OR14K1: variants seen among roughly 807,000 people sequenced by gnomAD.
OR14K1 encodes olfactory receptor 14K1.
For synonymous variants in OR14K1, 104 were observed against 70.0 expected (o/e 1.49, Z -2.42); for missense variants, 253 against 174.4 (o/e 1.45, Z -2.54).
Position 247,739,258 on chromosome 1 carries a change from C to T in OR14K1, c.644C>T (p.Ser215Phe), listed in dbSNP as rs764245420. Residue 215 changes from serine (S) to phenylalanine (F), a missense_variant, in exon 1 of 1, where the codon TCC (serine) becomes TTC (phenylalanine). Ser to Phe is a radical substitution (Grantham distance 155, BLOSUM62 -2). Transcript: ENST00000283225. ...TCATGTTTAGTTTGCATTGTAGTTT[C>T]CTATGTGTACATTTTCTCTGCTGTG... ...AFSCLVCIVV[S>F]YVYIFSAVLR... 18 of 780,792 alleles carry T rather than the reference C, an allele frequency of 2.3e-5. No individual in the cohort carries two copies. The East Asian group carries it at 4.4e-4, about 19-fold the overall frequency. 48.4% of individuals were successfully genotyped at this position (780,792 alleles called of 1,614,324 possible). A position where few individuals can be genotyped will look rare whatever the true frequency, so the allele number is the denominator to read the frequency against.
rs760698783 is a variant in OR14K1, at chr1:247,739,343, C to A, written c.729C>A (p.Leu243=). The change falls in exon 1 of 1, where the codon CTC becomes CTA. Residue 243 remains leucine (L), a synonymous_variant. Coordinates refer to ENST00000283225, the MANE Select transcript of OR14K1 (RefSeq NM_001004732.2). ...CCTTTTCCAACTGTGTGCCTCACCT[C>A]ATTGTTGTCACTGTGTTTCTTGTAA... ...SKAFSNCVPH[L]IVVTVFLVTG... The A allele has an allele frequency of 2.6e-6, 2 of 780,832 alleles. No individual in the cohort carries two copies. The highest frequency in any genetic ancestry group is 4.8e-6 in the Non-Finnish European group (2 of 417,974). The allele number at this position is 780,832 out of a possible 1,614,324, so 48.4% of individuals were successfully genotyped here.
chr1:247,738,859 A>T lies in OR14K1; in HGVS notation c.245A>T (p.Asn82Ile), dbSNP rs758983924. The T allele has an allele frequency of 2.6e-6, 2 of 776,840 alleles. No homozygotes were observed. Among genetic ancestry groups the T allele is most frequent in the African/African-American group, 3.5e-5 (2 of 57,658 alleles). The allele number at this position is 776,840 out of a possible 1,614,324, so 48.1% of individuals were successfully genotyped here. A position where few individuals can be genotyped will look rare whatever the true frequency, so the allele number is the denominator to read the frequency against. ...GCCACAGTCCCCAAATCCATCCTCA[A>T]CTCTGTCGCCTCCACTGACTCCATC... ...ISATVPKSIL[N>I]SVASTDSISF... The change falls in exon 1 of 1, where the codon AAC becomes ATC. Residue 82 changes from asparagine (N) to isoleucine (I), a missense_variant. By Grantham distance (149) the Asn-to-Ile change is moderately radical (BLOSUM62 -3). Coordinates refer to ENST00000283225, the MANE Select transcript of OR14K1 (RefSeq NM_001004732.2).
chr1:247,739,302 C>CA, the OR14K1 span: 1 of 780,836 alleles, frequency 1.3e-6, no homozygotes, highest in Non-Finnish European at 2.4e-6. Flanking sequence ...ATCACAGAGA[C>CA]AGAGACAATC....
chr1:247,739,018 GCAGAGGGCTCTGTGT>G lies in OR14K1; in HGVS notation c.406_420del (p.Arg136_Val140del), dbSNP rs1471858688. ...CCCCTACACTGTGAGGCTGTCATGA[GCAGAGGGCTCTGTGT>G]CCAGTTGATGGCTCTGTCCTGGCTC... On this transcript the variant is annotated inframe_deletion, in exon 1 of 1. Transcript: ENST00000283225. The G allele has an allele frequency of 5.1e-5, 40 of 780,648 alleles. No individual in the cohort carries two copies. The Admixed American group carries it at 6.8e-4, about 13-fold the overall frequency. 48.4% of individuals were successfully genotyped at this position (780,648 alleles called of 1,614,324 possible).
Position 247,739,049 on chromosome 1 carries a change from G to T in OR14K1, c.435G>T (p.Leu145=). The change falls in exon 1 of 1, where the codon CTG becomes CTT. Residue 145 remains leucine, a synonymous_variant. Coordinates refer to ENST00000283225, the MANE Select transcript of OR14K1 (RefSeq NM_001004732.2). ...GGCTCTGTGTCCAGTTGATGGCTCT[G>T]TCCTGGCTCAACAGAGGGGCCTTGG... ...SRGLCVQLMA[L]SWLNRGALGL... The T allele has an allele frequency of 1.3e-6, 1 of 780,738 alleles. No homozygotes were observed. The highest frequency in any genetic ancestry group is 2.4e-6 in the Non-Finnish European group (1 of 417,950). The allele number at this position is 780,738 out of a possible 1,614,324, so 48.4% of individuals were successfully genotyped here.
rs561391875 is a variant in OR14K1, at chr1:247,738,801, C to T, written c.187C>T (p.His63Tyr). 1.3e-4 allele frequency: 100 copies of T among 780,850 alleles called. 1 individual carries two copies. In the East Asian group the frequency reaches 2.4e-3, roughly 19 times the overall value. 48.4% of individuals were successfully genotyped at this position (780,850 alleles called of 1,614,324 possible). ...LHMAMYFFLR[H>Y]LSFLDLCLIS... is the part of the protein sequence containing the mutation. ...CATGGCAATGTACTTTTTCCTCCGA[C>T]ATTTGTCCTTCTTAGACCTGTGTCT... Residue 63 changes from histidine (H) to tyrosine (Y), a missense_variant, in exon 1 of 1, where the codon CAT becomes TAT. Transcript: ENST00000283225.
At position 247,739,189 on chromosome 1, in the gene OR14K1, C is replaced by G. The variant is rs897187179; in HGVS notation, c.575C>G (p.Ala192Gly). Residue 192 changes from alanine to glycine, a missense_variant, in exon 1 of 1, where the codon GCC becomes GGC. Transcript: ENST00000283225. ...LLKLTCSKEH[A>G]IISVSVAIGV... The stretch of plus-strand genomic sequence containing the variant: ...AAGCTCACTTGTTCTAAAGAACATG[C>G]CATCATTAGTGTCAGTGTGGCCATT... 5 of 780,720 alleles carry G rather than the reference C, an allele frequency of 6.4e-6. No homozygotes were observed. Among genetic ancestry groups the G allele is most frequent in the East Asian group, 2.4e-5 (1 of 41,266 alleles). The allele number at this position is 780,720 out of a possible 1,614,324, so 48.4% of individuals were successfully genotyped here.
In OR14K1 at chr1:247,738,973, G is replaced by A. The variant is rs759441743; in HGVS notation, c.359G>A (p.Arg120His). 8 of 780,656 alleles carry A rather than the reference G, an allele frequency of 1.0e-5. No homozygotes were observed. Among genetic ancestry groups the A allele is most frequent in the Non-Finnish European group, 1.7e-5 (7 of 417,944 alleles). 48.4% of individuals were successfully genotyped at this position (780,656 alleles called of 1,614,324 possible). A position where few individuals can be genotyped will look rare whatever the true frequency, so the allele number is the denominator to read the frequency against. Residue 120 changes from arginine (R) to histidine (H), a missense_variant, in exon 1 of 1, where the codon CGC (arginine) becomes CAC (histidine). Transcript: ENST00000283225. ...ATCCTTACTGCCATGTCCTATGACCGCTATGCTGCCATCTGCTGCCCCCTA... is the reference window on the plus strand; with the variant it reads ...ATCCTTACTGCCATGTCCTATGACCACTATGCTGCCATCTGCTGCCCCCTA... ...IGILTAMSYD[R>H]YAAICCPLHC... is the part of the protein sequence containing the mutation.
rs1660746839 is a variant in OR14K1 at position 247,739,067 on chromosome 1, G to A, written c.453G>A (p.Gly151=). 1 of 780,636 alleles carries A rather than the reference G, an allele frequency of 1.3e-6. No homozygotes were observed. Among genetic ancestry groups the A allele is most frequent in the Admixed American group, 1.7e-5 (1 of 59,008 alleles). 48.4% of individuals were successfully genotyped at this position (780,636 alleles called of 1,614,324 possible). ...QLMALSWLNR[G]ALGLLYTAGT... is the part of the protein sequence containing the mutation. ...TGGCTCTGTCCTGGCTCAACAGAGG[G>A]GCCTTGGGACTCTTGTACACAGCTG... The change falls in exon 1 of 1, where the codon GGG becomes GGA. Residue 151 remains glycine, a synonymous_variant. Coordinates refer to ENST00000283225, the MANE Select transcript of OR14K1 (RefSeq NM_001004732.2).
Position 247,739,209 on chromosome 1 carries a change from GCCA to G in OR14K1, c.596_598del (p.Ala199_Ile200delinsVal), listed in dbSNP as rs774341375. ...ACATGCCATCATTAGTGTCAGTGTG[GCCA>G]TTGGGGTCTGTTATGCATTTTCATG... On this transcript the variant is annotated inframe_deletion, in exon 1 of 1. Coordinates refer to ENST00000283225, the MANE Select transcript of OR14K1 (RefSeq NM_001004732.2). 4 of 780,848 alleles carry G rather than the reference GCCA, an allele frequency of 5.1e-6. No homozygotes were observed. The highest frequency in any genetic ancestry group is 9.6e-6 in the Non-Finnish European group (4 of 417,992). The allele number at this position is 780,848 out of a possible 1,614,324, so 48.4% of individuals were successfully genotyped here.
chr1:247,739,399 C>G lies in OR14K1; in HGVS notation c.785C>G (p.Ser262Cys). The stretch of plus-strand genomic sequence containing the variant: ...GCTGTTGCTTATTTAAAGCCAGGGT[C>G]TGATGCACCTTCTATTCTAGACTTG... ...TGAVAYLKPG[S>C]DAPSILDLLV... The change falls in exon 1 of 1, where the codon TCT (serine) becomes TGT (cysteine). Residue 262 changes from serine (S) to cysteine (C), a missense_variant. Transcript: ENST00000283225. 1 of 780,758 alleles carries G rather than the reference C, an allele frequency of 1.3e-6. No homozygotes were observed. Among genetic ancestry groups the G allele is most frequent in the Non-Finnish European group, 2.4e-6 (1 of 417,964 alleles). 48.4% of individuals were successfully genotyped at this position (780,758 alleles called of 1,614,324 possible).
Position 247,739,526 on chromosome 1 carries a change from G to T in OR14K1, c.912G>T (p.Trp304Cys). The change falls in exon 1 of 1, where the codon TGG (tryptophan) becomes TGT (cysteine). Residue 304 changes from tryptophan to cysteine, a missense_variant. Trp to Cys is a radical substitution (Grantham distance 215, BLOSUM62 -2). Transcript: ENST00000283225. ...AATCCGCTCTGAGTAAAGTCCTGTG[G>T]AATGTTAGAAGCAGTGGGGTAATGA... Reference protein sequence around the residue: ...DIKSALSKVLWNVRSSGVMKR With the variant: ...DIKSALSKVLCNVRSSGVMKR 1.3e-6 allele frequency: 1 copy of T among 780,514 alleles called. No homozygotes were observed. The highest frequency in any genetic ancestry group is 2.4e-6 in the Non-Finnish European group (1 of 417,874). 48.3% of individuals were successfully genotyped at this position (780,514 alleles called of 1,614,324 possible). A position where few individuals can be genotyped will look rare whatever the true frequency, so the allele number is the denominator to read the frequency against.
At position 247,738,925 on chromosome 1, in the gene OR14K1, T is replaced by C; in HGVS notation, c.311T>C (p.Leu104Pro). The change falls in exon 1 of 1, where the codon CTG becomes CCG. Residue 104 changes from leucine to proline, a missense_variant. By Grantham distance (98) the Leu-to-Pro change is moderately conservative. Coordinates refer to ENST00000283225, the MANE Select transcript of OR14K1 (RefSeq NM_001004732.2). ...GCVLQLFLVVLLAGSEIGILT... is the reference protein window; with the variant it reads ...GCVLQLFLVVPLAGSEIGILT... Reference sequence around the variant, plus strand: ...GTGTTGCAGCTCTTCTTGGTGGTACTGCTGGCTGGATCAGAGATTGGCATC... The same window carrying C: ...GTGTTGCAGCTCTTCTTGGTGGTACCGCTGGCTGGATCAGAGATTGGCATC... 1 of 780,744 alleles carries C rather than the reference T, an allele frequency of 1.3e-6. No homozygotes were observed. The highest frequency in any genetic ancestry group is 2.4e-6 in the Non-Finnish European group (1 of 417,958). The allele number at this position is 780,744 out of a possible 1,614,324, so 48.4% of individuals were successfully genotyped here. A position where few individuals can be genotyped will look rare whatever the true frequency, so the allele number is the denominator to read the frequency against.
rs770864461 is a variant in OR14K1, at chr1:247,738,964, C to G, written c.350C>G (p.Ser117Cys). 1 of 780,716 alleles carries G rather than the reference C, an allele frequency of 1.3e-6. No homozygotes were observed. 48.4% of individuals were successfully genotyped at this position (780,716 alleles called of 1,614,324 possible). Residue 117 changes from serine (S) to cysteine (C), a missense_variant, in exon 1 of 1, where the codon TCC becomes TGC. Transcript: ENST00000283225. ...GSEIGILTAM[S>C]YDRYAAICCP... ...GAGATTGGCATCCTTACTGCCATGT[C>G]CTATGACCGCTATGCTGCCATCTGC...
Position 247,738,679 on chromosome 1 carries a change from T to C in OR14K1, c.65T>C (p.Leu22Pro), listed in dbSNP as rs961418939. The C allele has an allele frequency of 1.3e-6, 1 of 780,868 alleles. No individual in the cohort carries two copies. The highest frequency in any genetic ancestry group is 2.4e-6 in the Non-Finnish European group (1 of 417,958). The allele number at this position is 780,868 out of a possible 1,614,324, so 48.4% of individuals were successfully genotyped here. ...AGATTTACTGAGAATTGGGTGCTCC[T>C]GAGGCTGCATGCTTTGCTCTTCTCA... is the stretch of plus-strand genomic sequence containing the variant. The part of the protein sequence containing the change: ...LVRFTENWVL[L>P]RLHALLFSLI... The change falls in exon 1 of 1, where the codon CTG becomes CCG. Residue 22 changes from leucine (L) to proline (P), a missense_variant. Transcript: ENST00000283225.
rs909600346 is a variant in OR14K1 at position 247,739,466 on chromosome 1, C to G, written c.852C>G (p.Asn284Lys). The G allele has an allele frequency of 1.3e-6, 1 of 780,802 alleles. No individual in the cohort carries two copies. Among genetic ancestry groups the G allele is most frequent in the Non-Finnish European group, 2.4e-6 (1 of 417,966 alleles). The allele number at this position is 780,802 out of a possible 1,614,324, so 48.4% of individuals were successfully genotyped here. The change falls in exon 1 of 1, where the codon AAC (asparagine) becomes AAG (lysine). Residue 284 changes from asparagine to lysine, a missense_variant. Asn to Lys is a moderately conservative substitution (Grantham distance 94, BLOSUM62 0). Transcript: ENST00000283225. ...VFYSVAPPTL[N>K]PVIYCLKNKD... is the part of the protein sequence containing the mutation. ...ATTCTGTCGCACCTCCAACCTTGAA[C>G]CCTGTTATCTACTGTCTGAAGAACA...
chr1:247,738,997 T>A lies in OR14K1; in HGVS notation c.383T>A (p.Leu128Gln), dbSNP rs1444800853. ...YDRYAAICCP[L>Q]HCEAVMSRGL... The stretch of plus-strand genomic sequence containing the variant: ...CGCTATGCTGCCATCTGCTGCCCCC[T>A]ACACTGTGAGGCTGTCATGAGCAGA... Residue 128 changes from leucine to glutamine, a missense_variant, in exon 1 of 1, where the codon CTA (leucine) becomes CAA (glutamine). Physicochemically the swap from Leu to Gln is moderately radical, Grantham distance 113. Transcript: ENST00000283225. 1.3e-6 allele frequency: 1 copy of A among 780,784 alleles called. No homozygotes were observed. The highest frequency in any genetic ancestry group is 1.3e-5 in the South Asian group (1 of 74,596). The allele number at this position is 780,784 out of a possible 1,614,324, so 48.4% of individuals were successfully genotyped here. A position where few individuals can be genotyped will look rare whatever the true frequency, so the allele number is the denominator to read the frequency against.
At position 247,739,025 on chromosome 1, in the gene OR14K1, G is replaced by A. The variant is rs1558311482; in HGVS notation, c.411G>A (p.Gly137=). The change falls in exon 1 of 1, where the codon GGG becomes GGA. Residue 137 remains glycine, a synonymous_variant. Transcript: ENST00000283225. The stretch of plus-strand genomic sequence containing the variant: ...ACTGTGAGGCTGTCATGAGCAGAGG[G>A]CTCTGTGTCCAGTTGATGGCTCTGT... ...PLHCEAVMSR[G]LCVQLMALSW... The A allele has an allele frequency of 7.7e-6, 6 of 780,684 alleles. No homozygotes were observed. In the East Asian group the frequency reaches 1.5e-4, roughly 19 times the overall value. The allele number at this position is 780,684 out of a possible 1,614,324, so 48.4% of individuals were successfully genotyped here.
chr1:247,739,336 C>T lies in OR14K1; in HGVS notation c.722C>T (p.Pro241Leu), dbSNP rs544947207. The T allele has an allele frequency of 2.6e-6, 2 of 780,782 alleles. No individual in the cohort carries two copies. Among genetic ancestry groups the T allele is most frequent in the East Asian group, 4.8e-5 (2 of 41,240 alleles). The allele number at this position is 780,782 out of a possible 1,614,324, so 48.4% of individuals were successfully genotyped here. ...TCCAAAGCCTTTTCCAACTGTGTGC[C>T]TCACCTCATTGTTGTCACTGTGTTT... ...RQSKAFSNCVPHLIVVTVFLV... is the reference protein window; with the variant it reads ...RQSKAFSNCVLHLIVVTVFLV... The change falls in exon 1 of 1, where the codon CCT becomes CTT. Residue 241 changes from proline to leucine, a missense_variant. By Grantham distance (98) the Pro-to-Leu change is moderately conservative. Coordinates refer to ENST00000283225, the MANE Select transcript of OR14K1 (RefSeq NM_001004732.2).
Sources: allele counts gnomAD v4.1 joint callset, GRCh38; gene constraint gnomAD v4.1.1; transcripts MANE v1.5; gene names NCBI Gene and HGNC (gene_info 2026-07-23, HGNC 2026-07-21).